RHOT1: variants seen among roughly 807,000 people sequenced by gnomAD.
RHOT1 encodes the protein ras homolog family member T1.
RHOT1 carries 27 observed loss-of-function variants against 95.3 expected under a neutral mutation model. That is an observed-to-expected ratio of 0.28 (90% CI 0.21 to 0.39). The LOEUF (loss-of-function observed/expected upper bound fraction) is 0.39. RHOT1 is among the 10% of genes least tolerant of loss of function. The probability of loss-of-function intolerance (pLI) is 1.00; values close to 1 mark genes in which losing one functional copy is unlikely to be tolerated. For synonymous variants in RHOT1, 227 were observed against 263.5 expected (o/e 0.86, Z 1.34); for missense variants, 578 against 786.7 (o/e 0.73, Z 3.17).
At chr17:32,211,069 A>G (rs769671993) in intron 18 of RHOT1, 47 bp from the exon 19 acceptor site, 23 of 1,553,930 alleles carry the variant, frequency 1.5e-5, no homozygotes, top group Non-Finnish European at 2.0e-5. Context: ...CTTGTGCCAT[A>G]TTTGTAAGTA....
chr17:32,145,377 G>A (rs2031161909), intron 1 of RHOT1, among the ~76,000 whole-genome samples: 1 of 152,004 alleles, frequency 6.6e-6, no homozygotes, highest in Non-Finnish European at 1.5e-5. Context: ...AAATTAAATT[G>A]AGATATATTT....
chr17:32,193,088 G>C (rs2036616377), intron 9 of RHOT1, 48 bp from the exon 10 acceptor site: 1 of 1,141,774 alleles, frequency 8.8e-7, no homozygotes, highest in South Asian at 1.3e-5. Context: ...ATTATTTGTG[G>C]TTTTAACGCT....
At chr17:32,175,449 G>T in intron 4 of RHOT1, 87 bp downstream of exon 4, 3 of 1,295,366 alleles carry the variant, frequency 2.3e-6, no homozygotes, top group Non-Finnish European at 3.4e-6. Flanking sequence ...CTCTTTGTTT[G>T]TTGGTTTTTG....
At chr17:32,160,568 G>A (rs2033440402) in intron 1 of RHOT1, among the ~76,000 whole-genome samples, 1 of 152,190 alleles carries the variant, frequency 6.6e-6, no homozygotes, top group African/African-American at 2.4e-5. Context: ...CCTTAGCCAG[G>A]GCTGTGACTC....
intron 19 of RHOT1, among the ~76,000 whole-genome samples, chr17:32,215,479 A>G (rs890473830): frequency 6.6e-6 from 1 of 152,166 alleles, no homozygotes; most frequent in Non-Finnish European, 1.5e-5. Context: ...TTGAAAATGA[A>G]GAATATATGG....
chr17:32,175,147 G>A (rs73286137), intron 3 of RHOT1, among the ~76,000 whole-genome samples, 172 bp from the exon 4 acceptor site: 1,723 of 152,192 alleles, frequency 0.011, 35 homozygotes, highest in African/African-American at 0.039. Flanking sequence ...CGTCTTTCAG[G>A]GCCAGCTGCC....
intron 1 of RHOT1, chr17:32,143,194 C>A: frequency 2.2e-6 from 1 of 455,112 alleles, no homozygotes; most frequent in Admixed American, 2.5e-5. Flanking sequence ...ATTGCGTGAA[C>A]CGGCTCCCGG....
intron 16 of RHOT1, among the ~76,000 whole-genome samples, chr17:32,205,293 G>A (rs2037631939): frequency 6.6e-6 from 1 of 152,022 alleles, no homozygotes; most frequent in Non-Finnish European, 1.5e-5. Context: ...TCCTGTGTTA[G>A]TTTGCTGAGA....
Position 32,194,127 on chromosome 17 carries a change from T to G in RHOT1, c.869+20T>G. On this transcript the variant is annotated intron_variant, in intron 11 of 19. Coordinates refer to ENST00000545287, the MANE Select transcript of RHOT1 (RefSeq NM_001033566.3). ...CCCCCTGTATGTACCTTTGTTTTTT[T>G]TGTTGTTGTTGTTGTTTAATTTTTT... 6.2e-7 allele frequency: 1 copy of G among 1,603,654 alleles called. No individual in the cohort carries two copies. Among genetic ancestry groups the G allele is most frequent in the Non-Finnish European group, 8.5e-7 (1 of 1,174,568 alleles).
chr17:32,180,693 A>C (rs540666121), intron 6 of RHOT1, among the ~76,000 whole-genome samples: 1 of 145,716 alleles, frequency 6.9e-6, no homozygotes, highest in Admixed American at 6.7e-5. Flanking sequence ...TTTTTGTTTT[A>C]AGCCAAAAAA....
intron 1 of RHOT1, 136 bp downstream of exon 1, chr17:32,142,865 T>A: frequency 1.2e-6 from 1 of 835,950 alleles, no homozygotes; most frequent in East Asian, 2.7e-5. Flanking sequence ...CGCTCGCCTT[T>A]CTCCGCGTTC....
At chr17:32,143,570 A>T (rs1350356963) in intron 1 of RHOT1, among the ~76,000 whole-genome samples, 1 of 152,184 alleles carries the variant, frequency 6.6e-6, no homozygotes, top group Non-Finnish European at 1.5e-5. Context: ...CAGACATTTG[A>T]TATCTCCCCC....
intron 18 of RHOT1, 169 bp downstream of exon 18, chr17:32,208,478 T>C: frequency 1.6e-6 from 1 of 641,330 alleles, no homozygotes; most frequent in South Asian, 1.9e-5. Context: ...TTGAATGCCA[T>C]AATAAAATGA....
chr17:32,143,314 T>C (rs759223535), intron 1 of RHOT1, among the ~76,000 whole-genome samples: 2 of 152,226 alleles, frequency 1.3e-5, no homozygotes, highest in African/African-American at 4.8e-5. Context: ...CATTAAGATA[T>C]GAGTAGTGGA....
At position 32,142,787 on chromosome 17, in the gene RHOT1, C is replaced by T. The variant is rs567048902; in HGVS notation, c.37+58C>T. On this transcript the variant is annotated intron_variant, in intron 1 of 19. Coordinates refer to ENST00000545287, the MANE Select transcript of RHOT1 (RefSeq NM_001033566.3). The stretch of plus-strand genomic sequence containing the variant: ...CCCTGCCCTCCCTGCCCCTGCAGCC[C>T]CTGTCGCCCCTGTCGCCCCTGCAGC... 2.1e-5 allele frequency: 27 copies of T among 1,310,772 alleles called. No homozygotes were observed. In the East Asian group the frequency reaches 5.8e-4, roughly 28 times the overall value. The allele number at this position is 1,310,772 out of a possible 1,614,324, so 81.2% of individuals were successfully genotyped here.
At chr17:32,182,632 G>A in intron 6 of RHOT1, 125 bp from the exon 7 acceptor site, 1 of 623,024 alleles carries the variant, frequency 1.6e-6, no homozygotes, top group South Asian at 2.4e-5. Context: ...TGACTGTAGA[G>A]AAAGGTTCAT....
At position 32,193,157 on chromosome 17, in the gene RHOT1, T is replaced by G; in HGVS notation, c.661T>G (p.Leu221Val). The G allele has an allele frequency of 6.2e-7, 1 of 1,611,712 alleles. No individual in the cohort carries two copies. The highest frequency in any genetic ancestry group is 8.5e-7 in the Non-Finnish European group (1 of 1,178,308). The change falls in exon 10 of 20, where the codon TTA (leucine) becomes GTA (valine). Residue 221 changes from leucine to valine, a missense_variant. This residue lies in a region of RHOT1 where 227 missense variants were observed against 316.0 expected (regional missense o/e 0.72). Coordinates refer to ENST00000545287, the MANE Select transcript of RHOT1 (RefSeq NM_001033566.3). ...CTAGAGGATTTGTTTCAACACTCCA[T>G]TAGCTCCTCAAGCTCTGGAGGATGT... is the stretch of plus-strand genomic sequence containing the variant. Reference protein sequence around the residue: ...FFQRICFNTPLAPQALEDVKN... With the variant: ...FFQRICFNTPVAPQALEDVKN...
rs546410857 is a variant in RHOT1 at position 32,205,060 on chromosome 17, C to G, written c.1416+1087C>G. Among the ~76,000 whole-genome samples, 52 of 147,666 alleles carry G rather than the reference C, an allele frequency of 3.5e-4. 1 individual carries two copies. In the East Asian group the frequency reaches 8.8e-3, roughly 25 times the overall value. On this transcript the variant is annotated intron_variant, in intron 16 of 19. Transcript: ENST00000545287. Reference sequence around the variant, plus strand: ...TCTATTTTTTTTTTTTTAAATTTTACTTTAAGTTCTGGGATACATGTGCAG... The same window carrying G: ...TCTATTTTTTTTTTTTTAAATTTTAGTTTAAGTTCTGGGATACATGTGCAG...
At chr17:32,206,230 G>A (rs1270138828) in intron 16 of RHOT1, among the ~76,000 whole-genome samples, 2 of 82,764 alleles carry the variant, frequency 2.4e-5, no homozygotes, top group African/African-American at 5.0e-5. Context: ...TTTGAGACAA[G>A]GTTTCACTTT....
Sources: allele counts gnomAD v4.1 joint callset (sites outside exome capture counted in the v4.1 genomes callset), GRCh38; gene constraint gnomAD v4.1.1; regional missense constraint gnomAD v4.1.1; transcripts MANE v1.5; gene names NCBI Gene and HGNC (gene_info 2026-07-23, HGNC 2026-07-21).